The following LDAH variants were observed in gnomAD, a reference collection of about 807,000 sequenced individuals.
LDAH encodes the protein lipid droplet-associated hydrolase.
Under a neutral mutation model 29.6 loss-of-function variants are expected in LDAH, and 26 were observed. The observed-to-expected ratio is 0.88, with a 90% CI of 0.64 to 1.22. The LOEUF (loss-of-function observed/expected upper bound fraction) is 1.22. Ranked by LOEUF, LDAH falls within the 50% of genes most tolerant of loss-of-function variation. LDAH has a pLI of 0.00. For missense variants in LDAH, 344 were observed against 387.3 expected, an observed-to-expected ratio of 0.89 and a Z score of 0.94; for synonymous variants, 117 against 133.0, an observed-to-expected ratio of 0.88 and a Z score of 0.83.
intron 5 of LDAH, among the ~76,000 whole-genome samples, chr2:20,710,906 T>C (rs1216698550): frequency 2.6e-5 from 4 of 151,938 alleles, no homozygotes; most frequent in African/African-American, 7.3e-5. Flanking sequence ...TAGGTCATGT[T>C]ATCTGGCAGA....
chr2:20,750,364 C>T (rs899435690), intron 4 of LDAH, among the ~76,000 whole-genome samples: 1 of 152,206 alleles, frequency 6.6e-6, no homozygotes, highest in African/African-American at 2.4e-5. Context: ...TTCTGCAGAG[C>T]TCAGAGAAAG....
chr2:20,710,817 AAGAC>A (rs1466301849), intron 5 of LDAH, among the ~76,000 whole-genome samples: 3 of 151,430 alleles, frequency 2.0e-5, no homozygotes, highest in Admixed American at 6.6e-5. Flanking sequence ...CAGTGGGAAA[AAGAC>A]AGTTTGTGGT....
rs1167060362 is a variant in LDAH at position 20,789,423 on chromosome 2, G to A, written c.298+832C>T. ...TGGACGTCCAGTCTCAAGAAACTAT[G>A]AGAAATCAATTTCCATTTTTAAAAG... On this transcript the variant is annotated intron_variant, in intron 3 of 6. Transcript: ENST00000237822. 2.8e-6 allele frequency: 4 copies of A among 1,445,428 alleles called. No homozygotes were observed. The African/African-American group carries it at 5.8e-5, about 21-fold the overall frequency. 89.5% of individuals were successfully genotyped at this position (1,445,428 alleles called of 1,614,324 possible).
chr2:20,810,628 G>T (rs1331476824), intron 1 of LDAH, among the ~76,000 whole-genome samples: 3 of 152,204 alleles, frequency 2.0e-5, no homozygotes, highest in Non-Finnish European at 4.4e-5. Flanking sequence ...CTTTACTTCT[G>T]AGGAACTTTT....
At chr2:20,692,726 T>C (rs1168178328) in intron 6 of LDAH, among the ~76,000 whole-genome samples, 1 of 152,188 alleles carries the variant, frequency 6.6e-6, no homozygotes, top group African/African-American at 2.4e-5. Context: ...ACTTGAAATG[T>C]TTCCAACGAG....
intron 1 of LDAH, among the ~76,000 whole-genome samples, chr2:20,801,992 G>A (rs1558493346): frequency 6.6e-6 from 1 of 150,912 alleles, no homozygotes; most frequent in Non-Finnish European, 1.5e-5. Context: ...ATGAATATGT[G>A]TGTATATATA....
intron 3 of LDAH, among the ~76,000 whole-genome samples, chr2:20,790,008 C>T (rs1670834829): frequency 6.6e-6 from 1 of 152,222 alleles, no homozygotes; most frequent in African/African-American, 2.4e-5. Flanking sequence ...AAAAAACACA[C>T]AGTTGATTAC....
intron 6 of LDAH, among the ~76,000 whole-genome samples, chr2:20,696,426 C>T (rs561225045): frequency 6.6e-6 from 1 of 152,338 alleles, no homozygotes; most frequent in African/African-American, 2.4e-5. Context: ...GGCAGCACCA[C>T]CTTACAGGCA....
At chr2:20,786,584 T>A (rs1193156724) in intron 3 of LDAH, among the ~76,000 whole-genome samples, 1 of 152,202 alleles carries the variant, frequency 6.6e-6, no homozygotes, top group Non-Finnish European at 1.5e-5. Context: ...CCTTTGGTTT[T>A]CCCTAAGAAC....
chr2:20,803,469 G>T (rs190871404), intron 1 of LDAH, among the ~76,000 whole-genome samples: 3 of 152,330 alleles, frequency 2.0e-5, no homozygotes, highest in African/African-American at 4.8e-5. Context: ...GTAAACAGCA[G>T]TGCTCTAGAT....
chr2:20,691,088 A>C, intron 6 of LDAH, among the ~76,000 whole-genome samples: 1 of 152,180 alleles, frequency 6.6e-6, no homozygotes, highest in Admixed American at 6.5e-5. Flanking sequence ...AAAAACATAA[A>C]ACCTGACAAC....
At chr2:20,702,504 T>C (rs947840439) in intron 5 of LDAH, among the ~76,000 whole-genome samples, 1 of 152,224 alleles carries the variant, frequency 6.6e-6, no homozygotes, top group African/African-American at 2.4e-5. Context: ...TCAAAGCTAT[T>C]TGGTCTGACG....
intron 6 of LDAH, among the ~76,000 whole-genome samples, chr2:20,688,828 CT>C (rs57543886): frequency 0.14 from 15,513 of 111,248 alleles, 846 homozygotes; most frequent in Non-Finnish European, 0.18. Flanking sequence ...TGGAGGTTTC[CT>C]TTTTTTTTTT....
At chr2:20,822,084 C>G (rs1673354201) in intron 1 of LDAH, among the ~76,000 whole-genome samples, 1 of 151,556 alleles carries the variant, frequency 6.6e-6, no homozygotes. Flanking sequence ...GGTTGTATCT[C>G]TTTCTCCATA....
chr2:20,814,233 G>A (rs938756398), intron 1 of LDAH, among the ~76,000 whole-genome samples: 1 of 148,972 alleles, frequency 6.7e-6, no homozygotes, highest in Non-Finnish European at 1.5e-5. Flanking sequence ...TGACAATGGG[G>A]GGGGGGGGTC....
intron 6 of LDAH, among the ~76,000 whole-genome samples, chr2:20,695,071 CAACT>C (rs1230852105): frequency 1.3e-5 from 2 of 152,230 alleles, no homozygotes; most frequent in Non-Finnish European, 2.9e-5. Context: ...TGGTTTTACT[CAACT>C]AACTGAGAGA....
At chr2:20,808,672 AAAG>A (rs1482029503) in intron 1 of LDAH, among the ~76,000 whole-genome samples, 3 of 152,050 alleles carry the variant, frequency 2.0e-5, no homozygotes, top group Non-Finnish European at 2.9e-5. Context: ...AAAAAAAAAA[AAAG>A]AATAGCCAAG....
intron 6 of LDAH, among the ~76,000 whole-genome samples, chr2:20,691,887 G>A (rs1663058794): frequency 6.6e-6 from 1 of 152,132 alleles, no homozygotes; most frequent in African/African-American, 2.4e-5. Flanking sequence ...TGGTCTCTGG[G>A]CTTATAGATG....
chr2:20,789,171 T>TA (rs1333094066), intron 3 of LDAH: 15 of 1,550,456 alleles, frequency 9.7e-6, no homozygotes, highest in Non-Finnish European at 9.6e-6. Flanking sequence ...TGAATGCTTA[T>TA]ATGGCCCCCA....
Sources: gnomAD v4.1 joint callset for allele counts (sites outside exome capture counted in the v4.1 genomes callset) on GRCh38, gnomAD v4.1.1 for gene constraint, MANE v1.5 for transcripts, NCBI Gene and HGNC (gene_info 2026-07-23, HGNC 2026-07-21) for gene names.